PPP1R12B: variants seen among roughly 807,000 people sequenced by gnomAD.
PPP1R12B encodes the protein myosin phosphatase target subunit 2.
PPP1R12B carries 76 observed loss-of-function variants against 126.1 expected under a neutral mutation model. That is an observed-to-expected ratio of 0.60 (90% confidence interval 0.50 to 0.73). The LOEUF is 0.73. Ranked by LOEUF, PPP1R12B falls within the 30% of genes least tolerant of loss-of-function variation. The pLI is 0.00. For synonymous variants in PPP1R12B, 356 were observed against 434.7 expected, an observed-to-expected ratio of 0.82 and a Z score of 2.25; for missense variants, 1,052 against 1,205.1, an observed-to-expected ratio of 0.87 and a Z score of 1.88.
intron 1 of PPP1R12B, among the ~76,000 whole-genome samples, chr1:202,389,082 C>T (rs1023258132): frequency 2.6e-5 from 4 of 152,182 alleles, no homozygotes; most frequent in Admixed American, 1.3e-4. Flanking sequence ...AAAAATTATA[C>T]CCCCTAACTC....
At chr1:202,424,235 G>A (rs1669192567) in intron 3 of PPP1R12B, among the ~76,000 whole-genome samples, 2 of 151,910 alleles carry the variant, frequency 1.3e-5, no homozygotes, top group Non-Finnish European at 2.9e-5. Flanking sequence ...TTTGTGTTTG[G>A]AGTACTGATC....
Position 202,475,464 on chromosome 1 carries a change from C to T in PPP1R12B, c.1851-13069C>T, listed in dbSNP as rs543673034. On this transcript the variant is annotated intron_variant, in intron 13 of 23. Coordinates refer to ENST00000608999, the MANE Select transcript of PPP1R12B (RefSeq NM_002481.4). Reference sequence around the variant, plus strand: ...CAGGACATTGTTATCCATTAGTTCCCGATATTGCAGGATTTGCTAGAAGAA... The same window carrying T: ...CAGGACATTGTTATCCATTAGTTCCTGATATTGCAGGATTTGCTAGAAGAA... 4.3e-4 allele frequency among the ~76,000 whole-genome samples: 65 copies of T among 152,178 alleles called. 2 individuals are homozygous for T. The South Asian group carries it at 0.013, about 31-fold the overall frequency.
In PPP1R12B at chr1:202,580,655, G is replaced by GA; in HGVS notation, c.*95_*96insA. ...TGCCTTCCAACCAAAAGAAATGGAT[G>GA]TTTTGGTGGAAGGACACTTCTTTCT... On this transcript the variant is annotated 3_prime_UTR_variant, in exon 24 of 24. Coordinates refer to ENST00000608999, the MANE Select transcript of PPP1R12B (RefSeq NM_002481.4). 9.8e-7 allele frequency: 1 copy of GA among 1,021,234 alleles called. No individual in the cohort carries two copies. The highest frequency in any genetic ancestry group is 1.5e-6 in the Non-Finnish European group (1 of 654,966). The allele number at this position is 1,021,234 out of a possible 1,614,324, so 63.3% of individuals were successfully genotyped here. A position where few individuals can be genotyped will look rare whatever the true frequency, so the allele number is the denominator to read the frequency against.
At chr1:202,474,047 A>G in intron 13 of PPP1R12B, 1 of 486,614 alleles carries the variant, frequency 2.1e-6, no homozygotes, top group South Asian at 1.5e-5. Context: ...CAGAGTATAA[A>G]TGCTGCAGTT....
rs578255973 is a variant in PPP1R12B, at chr1:202,442,378, C to CTGTT, written c.1542-67_1542-66insTTTG. The stretch of plus-strand genomic sequence containing the variant: ...GTTTGCCTGTCTGGCTCTTCTCTCT[C>CTGTT]TGCATTGTATCATGGACAAAAACTG... On this transcript the variant is annotated intron_variant, in intron 11 of 23. Coordinates refer to ENST00000608999, the MANE Select transcript of PPP1R12B (RefSeq NM_002481.4). The CTGTT allele has an allele frequency of 1.1e-4, 174 of 1,524,614 alleles. No homozygotes were observed. The African/African-American group carries it at 1.9e-3, about 16-fold the overall frequency. The allele number at this position is 1,524,614 out of a possible 1,614,324, so 94.4% of individuals were successfully genotyped here.
Position 202,416,860 on chromosome 1 carries a change from A to T in PPP1R12B, c.365A>T (p.Asn122Ile). 6.2e-7 allele frequency: 1 copy of T among 1,614,094 alleles called. No individual in the cohort carries two copies. Among genetic ancestry groups the T allele is most frequent in the Non-Finnish European group, 8.5e-7 (1 of 1,179,938 alleles). The change falls in exon 2 of 24, where the codon AAC becomes ATC. Residue 122 changes from asparagine (N) to isoleucine (I), a missense_variant. Transcript: ENST00000608999. ...AGAGCCAATGTAAACCAGCAAGACA[A>T]CGAGGGCTGGACACCCCTTCATGCA... ...ENRANVNQQD[N>I]EGWTPLHAAA...
chr1:202,504,357 C>T (rs1395916385), intron 18 of PPP1R12B, among the ~76,000 whole-genome samples: 3 of 152,096 alleles, frequency 2.0e-5, no homozygotes, highest in Non-Finnish European at 2.9e-5. Context: ...CGCACCACTG[C>T]ACATCAGTCT....
At chr1:202,439,653 C>G (rs1382479713) in intron 10 of PPP1R12B, 1 of 732,184 alleles carries the variant, frequency 1.4e-6, no homozygotes, top group African/African-American at 1.7e-5. Context: ...GTCCACTGCC[C>G]TTCCTGGTCC....
At chr1:202,383,617 G>A (rs1191108081) in intron 1 of PPP1R12B, among the ~76,000 whole-genome samples, 4 of 152,060 alleles carry the variant, frequency 2.6e-5, no homozygotes, top group South Asian at 2.1e-4. Context: ...ACAGCTATTC[G>A]GGAGGCTGAG....
chr1:202,560,540 A>G (rs1307947817), intron 19 of PPP1R12B, among the ~76,000 whole-genome samples: 4 of 152,174 alleles, frequency 2.6e-5, no homozygotes, highest in Non-Finnish European at 5.9e-5. Context: ...GTGGGAGTGT[A>G]GCAGTGAGGA....
intron 12 of PPP1R12B, among the ~76,000 whole-genome samples, chr1:202,444,442 G>T (rs1331680380): frequency 6.6e-6 from 1 of 152,064 alleles, no homozygotes; most frequent in Non-Finnish European, 1.5e-5. Flanking sequence ...TTACTTTCTA[G>T]ACTTAAAACT....
chr1:202,414,521 A>G (rs949586856), intron 1 of PPP1R12B, among the ~76,000 whole-genome samples: 42 of 152,192 alleles, frequency 2.8e-4, no homozygotes, highest in African/African-American at 9.9e-4. Flanking sequence ...AACAGATCTT[A>G]TCAGAAAAGT....
chr1:202,577,973 G>T (rs3767392), intron 23 of PPP1R12B, among the ~76,000 whole-genome samples: 57,351 of 152,128 alleles, frequency 0.38, 12,687 homozygotes, highest in Non-Finnish European at 0.5. Context: ...TTTCACATAT[G>T]TTCTTATTTA....
intron 3 of PPP1R12B, among the ~76,000 whole-genome samples, chr1:202,425,268 A>G (rs2148645647): frequency 6.6e-6 from 1 of 152,356 alleles, no homozygotes; most frequent in African/African-American, 2.4e-5. Flanking sequence ...GCTTTGTACA[A>G]ATATTATAAT....
chr1:202,477,946 G>A (rs1558278461), intron 13 of PPP1R12B, among the ~76,000 whole-genome samples: 1 of 152,202 alleles, frequency 6.6e-6, no homozygotes, highest in Non-Finnish European at 1.5e-5. Context: ...AACTGTGAGT[G>A]TTAGCCTGGT....
chr1:202,487,789 G>T (rs1043460222), intron 13 of PPP1R12B, among the ~76,000 whole-genome samples: 1 of 151,936 alleles, frequency 6.6e-6, no homozygotes, highest in Admixed American at 6.6e-5. Context: ...TGTATTTTTA[G>T]TAGAGACAGG....
chr1:202,538,360 G>T (rs566336164), intron 18 of PPP1R12B, among the ~76,000 whole-genome samples: 1 of 152,294 alleles, frequency 6.6e-6, no homozygotes, highest in South Asian at 2.1e-4. Flanking sequence ...TCTTAAGGAA[G>T]ATGGAATAAT....
At chr1:202,435,813 T>G (rs7535622) in intron 9 of PPP1R12B, among the ~76,000 whole-genome samples, 29 of 152,354 alleles carry the variant, frequency 1.9e-4, no homozygotes, top group African/African-American at 7.0e-4. Context: ...AACAAAGGCC[T>G]GGCTACTTAT....
At chr1:202,499,612 A>G (rs1679974108) in intron 18 of PPP1R12B, among the ~76,000 whole-genome samples, 1 of 152,212 alleles carries the variant, frequency 6.6e-6, no homozygotes, top group African/African-American at 2.4e-5. Context: ...TCTTTATCTT[A>G]TGCCTCCAGT....
Sources: gnomAD v4.1 joint callset for allele counts (sites outside exome capture counted in the v4.1 genomes callset) on GRCh38, gnomAD v4.1.1 for gene constraint, MANE v1.5 for transcripts, NCBI Gene and HGNC (gene_info 2026-07-23, HGNC 2026-07-21) for gene names.